The following COL23A1 variants were observed in gnomAD, a reference collection of about 807,000 sequenced individuals.
COL23A1 encodes the protein collagen type XXIII alpha 1 chain.
COL23A1 carries 97 observed loss-of-function variants against 99.3 expected under a neutral mutation model. The ratio of observed to expected loss-of-function variants is 0.98; its 90% CI spans 0.83 to 1.16. The LOEUF (loss-of-function observed/expected upper bound fraction) is 1.16, where lower values mean the gene tolerates loss of function less well. COL23A1 is among the 50% of genes most tolerant of loss of function. The probability of loss-of-function intolerance (pLI) is 0.00; values close to 1 mark genes in which losing one functional copy is unlikely to be tolerated. For synonymous variants in COL23A1, 320 were observed against 308.2 expected (o/e 1.04, Z -0.40); for missense variants, 762 against 757.4 (o/e 1.01, Z -0.07).
At chr5:178,354,493 A>C (rs932591475) in intron 2 of COL23A1, among the ~76,000 whole-genome samples, 4 of 152,076 alleles carry the variant, frequency 2.6e-5, no homozygotes, top group Non-Finnish European at 5.9e-5. Flanking sequence ...GCTTGGTGGG[A>C]GGTGACTGGA....
In COL23A1 at chr5:178,493,436, C is replaced by T. The variant is rs188330021; in HGVS notation, c.361+67246G>A. 6.7e-4 allele frequency among the ~76,000 whole-genome samples: 102 copies of T among 152,354 alleles called. 1 individual carries two copies. In the East Asian group the frequency reaches 9.5e-3, roughly 14 times the overall value. On this transcript the variant is annotated intron_variant, in intron 2 of 28. Coordinates refer to ENST00000390654, the MANE Select transcript of COL23A1 (RefSeq NM_173465.4). ...GGTGCCGCTGGCAAGTAGGACCTACCCTATGGTGCCTTGCAGGCCTCCATC... is the reference window on the plus strand; with the variant it reads ...GGTGCCGCTGGCAAGTAGGACCTACTCTATGGTGCCTTGCAGGCCTCCATC...
chr5:178,526,225 C>T (rs1760300245), intron 2 of COL23A1, among the ~76,000 whole-genome samples: 1 of 152,218 alleles, frequency 6.6e-6, no homozygotes, highest in African/African-American at 2.4e-5. Flanking sequence ...TCCAGTAGTA[C>T]CCTTCTGGCT....
intron 3 of COL23A1, among the ~76,000 whole-genome samples, chr5:178,295,760 T>C (rs567629545): frequency 1.1e-3 from 161 of 152,382 alleles, no homozygotes; most frequent in African/African-American, 3.8e-3. Context: ...ATGGTGCAGC[T>C]GCAGATGGAA....
chr5:178,570,370 C>T (rs537176326), intron 1 of COL23A1, among the ~76,000 whole-genome samples: 66 of 152,184 alleles, frequency 4.3e-4, no homozygotes, highest in African/African-American at 1.5e-3. Context: ...CTCGGCCTCC[C>T]GAAGTGCTGG....
intron 1 of COL23A1, among the ~76,000 whole-genome samples, chr5:178,564,061 T>G (rs1324212891): frequency 1.3e-5 from 2 of 152,224 alleles, no homozygotes; most frequent in Non-Finnish European, 2.9e-5. Flanking sequence ...CTGTCACACT[T>G]GGGCTACTGC....
At chr5:178,526,619 A>T (rs1760323816) in intron 2 of COL23A1, among the ~76,000 whole-genome samples, 1 of 152,140 alleles carries the variant, frequency 6.6e-6, no homozygotes, top group African/African-American at 2.4e-5. Flanking sequence ...CAATAAAAAG[A>T]GTCTGATGCT....
At chr5:178,498,239 T>TAC (rs1758320142) in intron 2 of COL23A1, among the ~76,000 whole-genome samples, 8 of 59,890 alleles carry the variant, frequency 1.3e-4, no homozygotes, top group Middle Eastern at 8.3e-3. Flanking sequence ...TATATATATA[T>TAC]ATATATATAT....
rs1758568799 is a variant in COL23A1 at position 178,309,770 on chromosome 5, C to T, written c.362-2851G>A. On this transcript the variant is annotated intron_variant, in intron 2 of 28. Coordinates refer to ENST00000390654, the MANE Select transcript of COL23A1 (RefSeq NM_173465.4). This position sits in a 1 kb window ranked among gnomAD's most constrained non-coding sequence, Gnocchi z 4.7. ...CCCTTCCTTCTCAGCATCAGGCGAA[C>T]GCTGCCCCTGCACTCAGTCCCCCAC... Among the ~76,000 whole-genome samples the T allele has an allele frequency of 6.6e-6, 1 of 151,946 alleles. No individual in the cohort carries two copies. The highest frequency in any genetic ancestry group is 6.5e-5 in the Admixed American group (1 of 15,278).
chr5:178,533,950 C>T (rs1357006955), intron 2 of COL23A1, among the ~76,000 whole-genome samples: 1 of 152,214 alleles, frequency 6.6e-6, no homozygotes, highest in Admixed American at 6.5e-5. Context: ...GACTTCCTCC[C>T]ACACTGGAGT....
chr5:178,263,709 C>T (rs72819029), intron 8 of COL23A1, among the ~76,000 whole-genome samples: 6,374 of 152,274 alleles, frequency 0.042, 164 homozygotes, highest in African/African-American at 0.062. Context: ...GGTTGGTCAA[C>T]TCCCACTTCA....
At position 178,340,627 on chromosome 5, in the gene COL23A1, C is replaced by G. The variant is rs1760599137; in HGVS notation, c.362-33708G>C. Among the ~76,000 whole-genome samples, 1 of 152,164 alleles carries G rather than the reference C, an allele frequency of 6.6e-6. No individual in the cohort carries two copies. The highest frequency in any genetic ancestry group is 2.1e-4 in the South Asian group (1 of 4,812). ...GTTCTCTCAGGAGAAGCTGATGGTC[C>G]CAGAGCACACAGGGAATACCCATCA... On this transcript the variant is annotated intron_variant, in intron 2 of 28. Transcript: ENST00000390654. The surrounding 1 kb of genome is among the most constrained non-coding windows in gnomAD (Gnocchi z 4.7).
intron 16 of COL23A1, among the ~76,000 whole-genome samples, chr5:178,254,319 G>C (rs566247269): frequency 6.6e-6 from 1 of 152,312 alleles, no homozygotes; most frequent in African/African-American, 2.4e-5. Flanking sequence ...CCTGGGGGTG[G>C]GTGCCACAGT....
chr5:178,521,903 T>C (rs1759967743), intron 2 of COL23A1, among the ~76,000 whole-genome samples: 1 of 152,224 alleles, frequency 6.6e-6, no homozygotes. Context: ...TTTGGAGTTA[T>C]GGAAAATTTT....
chr5:178,472,721 G>A (rs1375043531), intron 2 of COL23A1, among the ~76,000 whole-genome samples: 1 of 152,192 alleles, frequency 6.6e-6, no homozygotes, highest in Non-Finnish European at 1.5e-5. Context: ...CGCACAGCTT[G>A]TCAGTGGAAG....
At chr5:178,566,306 C>G (rs1215116341) in intron 1 of COL23A1, among the ~76,000 whole-genome samples, 1 of 152,050 alleles carries the variant, frequency 6.6e-6, no homozygotes, top group Non-Finnish European at 1.5e-5. Flanking sequence ...GGATGATGGA[C>G]CCATGATTAT....
chr5:178,271,380 C>A (rs146918780), intron 5 of COL23A1, among the ~76,000 whole-genome samples: 4 of 152,322 alleles, frequency 2.6e-5, no homozygotes, highest in Admixed American at 6.5e-5. Context: ...GTCCACCTGC[C>A]GGGCACATCC....
intron 5 of COL23A1, among the ~76,000 whole-genome samples, chr5:178,275,570 T>C (rs1381256173): frequency 6.6e-6 from 1 of 152,184 alleles, no homozygotes; most frequent in Admixed American, 6.5e-5. Context: ...ACACTCAGCA[T>C]CATCATGAGG....
intron 1 of COL23A1, among the ~76,000 whole-genome samples, chr5:178,566,995 T>C (rs1762872650): frequency 6.6e-6 from 1 of 152,164 alleles, no homozygotes; most frequent in South Asian, 2.1e-4. Context: ...TTATGAGTAA[T>C]GAGAGCCAGG....
intron 2 of COL23A1, among the ~76,000 whole-genome samples, chr5:178,498,222 AT>A (rs869098982): frequency 0.26 from 21,365 of 83,152 alleles, 3,375 homozygotes; most frequent in African/African-American, 0.41. Flanking sequence ...ATATATATAT[AT>A]ATATATATAT....
Sources: allele counts gnomAD v4.1 joint callset (sites outside exome capture counted in the v4.1 genomes callset), GRCh38; gene constraint gnomAD v4.1.1; non-coding constraint Gnocchi (gnomAD v3.1); transcripts MANE v1.5; gene names NCBI Gene and HGNC (gene_info 2026-07-23, HGNC 2026-07-21).